ARHGAP21: variants seen among roughly 807,000 people sequenced by gnomAD.
The protein encoded by ARHGAP21 is Rho GTPase activating protein 21, also known as rho GTPase-activating protein 21.
In ARHGAP21, 38 loss-of-function variants were observed where a neutral mutation model predicts 164.6. The observed-to-expected ratio is 0.23, with a 90% CI of 0.18 to 0.30. ARHGAP21 has a LOEUF of 0.30. Among genes scored for constraint, ARHGAP21 ranks in the 10% least tolerant of loss-of-function variants. ARHGAP21 has a pLI of 1.00. For missense variants in ARHGAP21, 1,822 were observed against 2,370.7 expected (o/e 0.77, Z 4.81); for synonymous variants, 766 against 857.9 (o/e 0.89, Z 1.87).
At chr10:24,645,486 A>C (rs762397801) in intron 4 of ARHGAP21, among the ~76,000 whole-genome samples, 2 of 152,088 alleles carry the variant, frequency 1.3e-5, no homozygotes, top group Non-Finnish European at 2.9e-5. Flanking sequence ...AGGGAGGCTA[A>C]GGCAGGATAA....
chr10:24,716,457 T>G (rs569808247), intron 2 of ARHGAP21, among the ~76,000 whole-genome samples: 162 of 152,246 alleles, frequency 1.1e-3, no homozygotes, highest in African/African-American at 3.1e-3. Context: ...GAGGGTTCAG[T>G]GAGTGGGAAG....
intron 4 of ARHGAP21, among the ~76,000 whole-genome samples, chr10:24,659,570 C>T (rs1839460782): frequency 6.6e-6 from 1 of 152,222 alleles, no homozygotes; most frequent in Non-Finnish European, 1.5e-5. Flanking sequence ...CCACCTCGGC[C>T]TCCCAAAGTG....
In ARHGAP21 at chr10:24,595,786, C is replaced by T. The variant is rs1564968953; in HGVS notation, c.3643G>A (p.Asp1215Asn). 6.2e-7 allele frequency: 1 copy of T among 1,613,586 alleles called. No homozygotes were observed. Among genetic ancestry groups the T allele is most frequent in the Admixed American group, 1.7e-5 (1 of 59,984 alleles). Residue 1215 changes from aspartate (D) to asparagine (N), a missense_variant, in exon 19 of 26, where the codon GAT becomes AAT. Around this residue, in one of 5 missense-constraint regions of ARHGAP21, gnomAD observed 117 missense variants for 238.1 expected, o/e 0.49. Transcript: ENST00000396432. Reference sequence around the variant, plus strand: ...AGTAAACTGCTTATCACATTCAAATCTCGCCATTTCTAGGTGTACAAAATA... The same window carrying T: ...AGTAAACTGCTTATCACATTCAAATTTCGCCATTTCTAGGTGTACAAAATA... ...DIDIQDDKWR[D>N]LNVISSLLKS...
chr10:24,699,661 C>T (rs1843477428), intron 2 of ARHGAP21, among the ~76,000 whole-genome samples: 1 of 152,078 alleles, frequency 6.6e-6, no homozygotes, highest in Admixed American at 6.6e-5. Flanking sequence ...GACTAGAACA[C>T]TACATTATAT....
At chr10:24,627,678 T>C (rs1835278137) in intron 7 of ARHGAP21, among the ~76,000 whole-genome samples, 2 of 152,252 alleles carry the variant, frequency 1.3e-5, no homozygotes, top group African/African-American at 4.8e-5. Context: ...ACTTTTACTT[T>C]AGATTTACTT....
At chr10:24,632,148 ATT>A (rs1835910494) in intron 6 of ARHGAP21, among the ~76,000 whole-genome samples, 1 of 152,220 alleles carries the variant, frequency 6.6e-6, no homozygotes, top group African/African-American at 2.4e-5. Flanking sequence ...ATGAAAAAAT[ATT>A]TCTCTAATAT....
Position 24,601,960 on chromosome 10 carries a change from G to A in ARHGAP21, c.2847+18C>T. On this transcript the variant is annotated intron_variant, in intron 13 of 25. Transcript: ENST00000396432. ...GTCTGCATTTCTGACACTCAGGGTGGCTTAGAAAACACACTACCTTGCCCT... is the reference window on the plus strand; with the variant it reads ...GTCTGCATTTCTGACACTCAGGGTGACTTAGAAAACACACTACCTTGCCCT... 1 of 1,539,008 alleles carries A rather than the reference G, an allele frequency of 6.5e-7. No homozygotes were observed. Among genetic ancestry groups the A allele is most frequent in the Non-Finnish European group, 8.8e-7 (1 of 1,137,078 alleles).
At chr10:24,654,200 C>T (rs1431794480) in intron 4 of ARHGAP21, among the ~76,000 whole-genome samples, 1 of 152,106 alleles carries the variant, frequency 6.6e-6, no homozygotes, top group Non-Finnish European at 1.5e-5. Context: ...GAAAGCATTC[C>T]CTTTGAAAAC....
intron 2 of ARHGAP21, among the ~76,000 whole-genome samples, chr10:24,699,609 G>A (rs560899470): frequency 2.6e-5 from 4 of 152,154 alleles, no homozygotes; most frequent in African/African-American, 9.7e-5. Flanking sequence ...ACAGGCATGA[G>A]TCACCGTGCC....
intron 9 of ARHGAP21, among the ~76,000 whole-genome samples, chr10:24,610,055 A>G (rs1284634791): frequency 1.3e-5 from 2 of 152,244 alleles, no homozygotes; most frequent in Admixed American, 6.5e-5. Context: ...CATTCGTGTT[A>G]AACTACGTAA....
intron 2 of ARHGAP21, among the ~76,000 whole-genome samples, chr10:24,705,907 T>C (rs976905965): frequency 1.3e-5 from 2 of 152,226 alleles, no homozygotes; most frequent in African/African-American, 4.8e-5. Flanking sequence ...ATAACAATGT[T>C]GATCGAGGGA....
intron 17 of ARHGAP21, chr10:24,596,507 C>G: frequency 1.7e-6 from 1 of 583,370 alleles, no homozygotes; most frequent in Non-Finnish European, 2.9e-6. Context: ...AAGACGAATT[C>G]TTACAGACCA....
intron 2 of ARHGAP21, among the ~76,000 whole-genome samples, chr10:24,694,171 C>A (rs538372845): frequency 2.1e-4 from 32 of 152,280 alleles, no homozygotes; most frequent in African/African-American, 7.7e-4. Context: ...TCACCCATAC[C>A]CCCTTATGCC....
intron 7 of ARHGAP21, chr10:24,628,974 A>ACACACACACAC (rs1835532760): frequency 6.4e-5 from 1 of 15,566 alleles, no homozygotes; most frequent in Admixed American, 7.6e-4. Context: ...ATATATATAT[A>ACACACACACAC]TATATATATT....
chr10:24,601,474 T>C (rs2076810274), intron 13 of ARHGAP21, among the ~76,000 whole-genome samples: 1 of 152,188 alleles, frequency 6.6e-6, no homozygotes, highest in Admixed American at 6.5e-5. Context: ...CCAAATATTA[T>C]AGAAAATTTT....
At chr10:24,686,790 T>G (rs1842251810) in intron 2 of ARHGAP21, among the ~76,000 whole-genome samples, 1 of 152,222 alleles carries the variant, frequency 6.6e-6, no homozygotes, top group Non-Finnish European at 1.5e-5. Context: ...GTTATGACTG[T>G]TTTCACATGT....
At chr10:24,655,559 G>A (rs920360294) in intron 4 of ARHGAP21, among the ~76,000 whole-genome samples, 33 of 151,412 alleles carry the variant, frequency 2.2e-4, no homozygotes, top group African/African-American at 7.3e-4. Context: ...CGGGCCCCGC[G>A]GGGCCCGAGG....
At chr10:24,644,023 CT>C (rs1837331605) in intron 4 of ARHGAP21, among the ~76,000 whole-genome samples, 2 of 152,056 alleles carry the variant, frequency 1.3e-5, no homozygotes, top group South Asian at 4.2e-4. Flanking sequence ...CATCATAAAC[CT>C]CTTTAACTTG....
chr10:24,604,479 C>T, intron 11 of ARHGAP21, 131 bp from the exon 12 acceptor site: 1 of 533,396 alleles, frequency 1.9e-6, no homozygotes, highest in Non-Finnish European at 3.1e-6. Flanking sequence ...TGTTAAATGT[C>T]CACTATTCAA....
Sources: allele counts gnomAD v4.1 joint callset (sites outside exome capture counted in the v4.1 genomes callset), GRCh38; gene constraint gnomAD v4.1.1; regional missense constraint gnomAD v4.1.1; transcripts MANE v1.5; gene names NCBI Gene and HGNC (gene_info 2026-07-23, HGNC 2026-07-21).